GNG7: variants seen among roughly 807,000 people sequenced by gnomAD.
GNG7 encodes guanine nucleotide-binding protein G(I)/G(S)/G(O) subunit gamma-7.
In GNG7, 1 loss-of-function variant was observed where a neutral mutation model predicts 4.0. The observed-to-expected ratio is 0.25, with a 90% CI of 0.09 to 1.18. The LOEUF (loss-of-function observed/expected upper bound fraction) is 1.18. GNG7 is among the 50% of genes most tolerant of loss of function. The pLI, the probability that GNG7 is intolerant of heterozygous loss-of-function variation, is 0.50. For synonymous variants in GNG7, 34 were observed against 36.9 expected, an observed-to-expected ratio of 0.92 and a Z score of 0.29; for missense variants, 86 against 91.9, an observed-to-expected ratio of 0.94 and a Z score of 0.26.
At chr19:2,684,939 C>A (rs1983834694) in intron 1 of GNG7, among the ~76,000 whole-genome samples, 1 of 151,868 alleles carries the variant, frequency 6.6e-6, no homozygotes, top group African/African-American at 2.4e-5. Context: ...GCCTGGCCAA[C>A]ATGGAGAAAC....
chr19:2,532,173 A>C (rs371705789), intron 3 of GNG7, among the ~76,000 whole-genome samples: 71 of 145,396 alleles, frequency 4.9e-4, no homozygotes, highest in Middle Eastern at 3.5e-3. Context: ...AAAAAAAAAA[A>C]CAAAAACCAG....
At chr19:2,565,582 C>T (rs1284603219) in intron 2 of GNG7, among the ~76,000 whole-genome samples, 3 of 151,888 alleles carry the variant, frequency 2.0e-5, no homozygotes, top group Non-Finnish European at 4.4e-5. Flanking sequence ...CCCTCCAGGA[C>T]TGAATCCATG....
At chr19:2,569,539 T>C (rs1181230022) in intron 2 of GNG7, among the ~76,000 whole-genome samples, 1 of 152,162 alleles carries the variant, frequency 6.6e-6, no homozygotes, top group East Asian at 1.9e-4. Flanking sequence ...CCTCCCAAAG[T>C]GCTGGGATTA....
intron 1 of GNG7, among the ~76,000 whole-genome samples, chr19:2,681,501 T>C (rs955176706): frequency 1.3e-5 from 2 of 151,994 alleles, no homozygotes; most frequent in Non-Finnish European, 2.9e-5. Flanking sequence ...ACTCTTGGAC[T>C]CAAGTGATCC....
chr19:2,541,502 A>G (rs2144747956), intron 3 of GNG7, among the ~76,000 whole-genome samples: 1 of 152,030 alleles, frequency 6.6e-6, no homozygotes, highest in South Asian at 2.1e-4. Flanking sequence ...TGGGAGGCCG[A>G]GGTGGGTGGA....
chr19:2,656,964 C>G (rs765537416), intron 1 of GNG7, among the ~76,000 whole-genome samples: 3 of 152,034 alleles, frequency 2.0e-5, no homozygotes, highest in Non-Finnish European at 4.4e-5. Flanking sequence ...CTGGAATCCT[C>G]TGGGGGTGGG....
At position 2,546,540 on chromosome 19, in the gene GNG7, C is replaced by T. The variant is rs1055828757; in HGVS notation, c.-38+8609G>A. Among the ~76,000 whole-genome samples, 128 of 152,276 alleles carry T rather than the reference C, an allele frequency of 8.4e-4. No homozygotes were observed. Among genetic ancestry groups the T allele is most frequent in the African/African-American group, 2.9e-4 (12 of 41,568 alleles). On this transcript the variant is annotated intron_variant, in intron 3 of 4. Coordinates refer to ENST00000382159, the MANE Select transcript of GNG7 (RefSeq NM_052847.3). The surrounding 1 kb of genome is among the most constrained non-coding windows in gnomAD (Gnocchi z 6.3). ...TGGGCCCTTTGCTCTCAGGCTAAATCGGTCCCCGGGGCAGCTATATTTAGA... is the reference window on the plus strand; with the variant it reads ...TGGGCCCTTTGCTCTCAGGCTAAATTGGTCCCCGGGGCAGCTATATTTAGA...
intron 3 of GNG7, among the ~76,000 whole-genome samples, chr19:2,539,711 G>A (rs1304717642): frequency 2.6e-5 from 4 of 152,090 alleles, no homozygotes; most frequent in Non-Finnish European, 5.9e-5. Context: ...GCTGGGTGTC[G>A]TCCCTCCCCC....
chr19:2,660,773 G>A (rs775458460), intron 1 of GNG7, among the ~76,000 whole-genome samples: 28 of 148,942 alleles, frequency 1.9e-4, no homozygotes, highest in Non-Finnish European at 7.5e-5. Flanking sequence ...CCTGGGCAAT[G>A]GAGGAAGACC....
chr19:2,650,684 G>A (rs1020140973), intron 1 of GNG7, among the ~76,000 whole-genome samples: 10 of 152,184 alleles, frequency 6.6e-5, no homozygotes, highest in Admixed American at 1.3e-4. Flanking sequence ...GGGTGAAGCC[G>A]CATCCCAGCC....
chr19:2,540,073 C>T (rs144661793), intron 3 of GNG7, among the ~76,000 whole-genome samples: 1 of 129,028 alleles, frequency 7.8e-6, no homozygotes, highest in African/African-American at 3.0e-5. Flanking sequence ...CTCCTCCCTC[C>T]CTCTCTCTCT....
chr19:2,605,663 G>A (rs1004405126), intron 2 of GNG7, among the ~76,000 whole-genome samples: 10 of 151,328 alleles, frequency 6.6e-5, no homozygotes, highest in Admixed American at 1.3e-4. Context: ...ACAGGCATGC[G>A]CCACCACACC....
At chr19:2,522,690 T>G (rs1978316466) in intron 3 of GNG7, among the ~76,000 whole-genome samples, 1 of 129,186 alleles carries the variant, frequency 7.7e-6, no homozygotes, top group South Asian at 2.5e-4. Flanking sequence ...AGGCGGAGCT[T>G]GCAGTGAGCA....
chr19:2,607,906 G>A (rs1035132040), intron 2 of GNG7, among the ~76,000 whole-genome samples: 1 of 152,106 alleles, frequency 6.6e-6, no homozygotes, highest in Non-Finnish European at 1.5e-5. Context: ...ACGTTCAGGC[G>A]ACAGCGACAC....
chr19:2,588,900 T>C (rs536747193), intron 2 of GNG7, among the ~76,000 whole-genome samples: 1 of 152,312 alleles, frequency 6.6e-6, no homozygotes, highest in African/African-American at 2.4e-5. Context: ...AGCCGTCCCT[T>C]GCTGGCCCTG....
At chr19:2,681,187 T>A (rs192497553) in intron 1 of GNG7, among the ~76,000 whole-genome samples, 1 of 151,694 alleles carries the variant, frequency 6.6e-6, no homozygotes, top group African/African-American at 2.4e-5. Context: ...CAACTTTTTT[T>A]ATTTTATTGT....
intron 2 of GNG7, among the ~76,000 whole-genome samples, chr19:2,578,847 A>T (rs930255670): frequency 6.6e-6 from 1 of 152,224 alleles, no homozygotes; most frequent in Non-Finnish European, 1.5e-5. Flanking sequence ...TTTTAAGGTC[A>T]CAGAGCTGGG....
At chr19:2,549,292 TG>T (rs1454351510) in intron 3 of GNG7, among the ~76,000 whole-genome samples, 4 of 113,734 alleles carry the variant, frequency 3.5e-5, no homozygotes, top group Admixed American at 3.1e-4. Flanking sequence ...AACAGGGCTG[TG>T]TTTTTTTTTT....
In GNG7 at chr19:2,691,267, G is replaced by A. The variant is rs571847474; in HGVS notation, c.-135+11379C>T. Among the ~76,000 whole-genome samples, 7 of 152,296 alleles carry A rather than the reference G, an allele frequency of 4.6e-5. No homozygotes were observed. In the East Asian group the frequency reaches 1.3e-3, roughly 29 times the overall value. ...AAATCATTAGAAATGGTTTCGGCCTGGCTCAGTAACGCATATCCGTAATCC... is the reference window on the plus strand; with the variant it reads ...AAATCATTAGAAATGGTTTCGGCCTAGCTCAGTAACGCATATCCGTAATCC... On this transcript the variant is annotated intron_variant, in intron 1 of 4. Transcript: ENST00000382159.
Sources: allele counts gnomAD v4.1 joint callset (sites outside exome capture counted in the v4.1 genomes callset), GRCh38; gene constraint gnomAD v4.1.1; non-coding constraint Gnocchi (gnomAD v3.1); transcripts MANE v1.5; gene names NCBI Gene and HGNC (gene_info 2026-07-23, HGNC 2026-07-21).